FHIT: variants seen among roughly 807,000 people sequenced by gnomAD.
FHIT encodes fragile histidine triad diadenosine triphosphatase, also known as bis(5'-adenosyl)-triphosphatase.
Under a neutral mutation model 17.9 loss-of-function variants are expected in FHIT, and 19 were observed. The observed-to-expected ratio is 1.06, with a 90% confidence interval of 0.74 to 1.56. FHIT has a LOEUF of 1.56. Ranked by LOEUF, FHIT falls within the 40% of genes most tolerant of loss-of-function variation. FHIT has a pLI of 0.00. For missense variants in FHIT, 248 were observed against 189.2 expected, an observed-to-expected ratio of 1.31 and a Z score of -1.82; for synonymous variants, 81 against 69.7, an observed-to-expected ratio of 1.16 and a Z score of -0.81.
At chr3:61,198,736 C>CTTTT (rs1192962186) in intron 2 of FHIT, among the ~76,000 whole-genome samples, 6 of 152,068 alleles carry the variant, frequency 3.9e-5, no homozygotes, top group Non-Finnish European at 8.8e-5. Flanking sequence ...TGAAAGTTAC[C>CTTTT]TTTTCATTTG....
At chr3:61,149,832 ATTG>A (rs1407344657) in intron 2 of FHIT, among the ~76,000 whole-genome samples, 1 of 152,188 alleles carries the variant, frequency 6.6e-6, no homozygotes, top group East Asian at 1.9e-4. Context: ...ATGGGCCATG[ATTG>A]TGCCACTGCA....
chr3:61,123,622 G>T (rs1251226099), intron 2 of FHIT, among the ~76,000 whole-genome samples: 2 of 152,104 alleles, frequency 1.3e-5, no homozygotes, highest in Non-Finnish European at 2.9e-5. Flanking sequence ...GAAATCAAAG[G>T]TAGGCATGCA....
At chr3:60,942,400 T>A (rs2121844) in intron 3 of FHIT, among the ~76,000 whole-genome samples, 56,047 of 152,054 alleles carry the variant, frequency 0.37, 11,087 homozygotes, top group South Asian at 0.45. Flanking sequence ...ACAATGTGTA[T>A]ATCATGGATA....
chr3:60,780,417 G>GT lies in FHIT; in HGVS notation c.-18+41501dup, dbSNP rs1406598666. On this transcript the variant is annotated intron_variant, in intron 4 of 9. Transcript: ENST00000492590. The stretch of plus-strand genomic sequence containing the variant: ...CCCAACGTGCCAGCAAAAGGGTAAA[G>GT]TTTTTTTTGCCAGTCAGGCTTTTGG... 3.3e-5 allele frequency among the ~76,000 whole-genome samples: 5 copies of GT among 151,956 alleles called. No homozygotes were observed. The East Asian group carries it at 5.8e-4, about 18-fold the overall frequency.
chr3:60,564,903 G>A (rs2037078871), intron 4 of FHIT, among the ~76,000 whole-genome samples: 1 of 152,202 alleles, frequency 6.6e-6, no homozygotes, highest in Admixed American at 6.5e-5. Context: ...TTTAAAATAA[G>A]TTCTACTATG....
intron 5 of FHIT, among the ~76,000 whole-genome samples, chr3:60,477,589 T>A (rs1443891905): frequency 6.6e-6 from 1 of 152,342 alleles, no homozygotes; most frequent in African/African-American, 2.4e-5. Context: ...TTCATATTAA[T>A]GTCTGCATTT....
chr3:60,929,702 G>A, intron 3 of FHIT, among the ~76,000 whole-genome samples: 1 of 152,176 alleles, frequency 6.6e-6, no homozygotes, highest in East Asian at 1.9e-4. Flanking sequence ...ACTACTTAAT[G>A]AAATAAAAGA....
At chr3:60,492,703 C>T (rs1242739588) in intron 5 of FHIT, among the ~76,000 whole-genome samples, 2 of 151,942 alleles carry the variant, frequency 1.3e-5, no homozygotes, top group East Asian at 3.9e-4. Flanking sequence ...GACGGGGTTT[C>T]TCCATGTTGG....
chr3:61,052,544 C>G (rs2034066134), intron 2 of FHIT, among the ~76,000 whole-genome samples: 1 of 152,186 alleles, frequency 6.6e-6, no homozygotes, highest in Non-Finnish European at 1.5e-5. Flanking sequence ...CAGATCAATA[C>G]TTTTACAAAG....
intron 2 of FHIT, among the ~76,000 whole-genome samples, chr3:61,110,558 A>G (rs913323048): frequency 4.0e-5 from 6 of 151,556 alleles, no homozygotes; most frequent in Non-Finnish European, 7.4e-5. Context: ...TTTCGTCACT[A>G]TCTGTCTTCC....
At chr3:60,150,052 G>A (rs970164638) in intron 5 of FHIT, among the ~76,000 whole-genome samples, 2 of 131,478 alleles carry the variant, frequency 1.5e-5, no homozygotes, top group Non-Finnish European at 3.1e-5. Context: ...CTGGAGTGCA[G>A]TGGCGCAATC....
chr3:60,564,701 T>C (rs2037070980), intron 4 of FHIT, among the ~76,000 whole-genome samples: 1 of 152,184 alleles, frequency 6.6e-6, no homozygotes. Context: ...TGTATTGCTG[T>C]AATCTCATGA....
intron 4 of FHIT, among the ~76,000 whole-genome samples, chr3:60,579,191 A>T (rs1241610293): frequency 6.6e-6 from 1 of 152,162 alleles, no homozygotes; most frequent in Admixed American, 6.5e-5. Context: ...GTGCACTTAC[A>T]CAAACCTAGA....
At chr3:59,975,475 T>C (rs1017947913) in intron 7 of FHIT, among the ~76,000 whole-genome samples, 5 of 152,118 alleles carry the variant, frequency 3.3e-5, no homozygotes, top group Non-Finnish European at 5.9e-5. Context: ...AAACAACAAA[T>C]GTTAGCCATT....
At chr3:60,754,834 T>G (rs755086198) in intron 4 of FHIT, among the ~76,000 whole-genome samples, 12 of 152,170 alleles carry the variant, frequency 7.9e-5, no homozygotes, top group Non-Finnish European at 1.5e-4. Context: ...CCTGACAGTG[T>G]CCCATTGCTG....
intron 2 of FHIT, among the ~76,000 whole-genome samples, chr3:61,156,915 C>T (rs925550158): frequency 6.6e-6 from 1 of 152,186 alleles, no homozygotes; most frequent in African/African-American, 2.4e-5. Flanking sequence ...CCTGCAAATA[C>T]AGACTCTTGA....
chr3:60,943,104 G>C (rs1411322953), intron 3 of FHIT, among the ~76,000 whole-genome samples: 5 of 152,060 alleles, frequency 3.3e-5, no homozygotes, highest in Non-Finnish European at 7.4e-5. Context: ...TTCTATATAT[G>C]TCTATTTGTC....
chr3:60,818,114 A>G (rs1346763870), intron 4 of FHIT, among the ~76,000 whole-genome samples: 3 of 151,866 alleles, frequency 2.0e-5, no homozygotes, highest in Non-Finnish European at 4.4e-5. Context: ...TTCTTTTTGC[A>G]GTTTCTGTTT....
intron 5 of FHIT, among the ~76,000 whole-genome samples, chr3:60,295,933 C>G (rs1336411213): frequency 1.3e-5 from 2 of 151,986 alleles, no homozygotes; most frequent in Non-Finnish European, 2.9e-5. Flanking sequence ...TGGGAGGGAC[C>G]AGGTGGGAGA....
Sources: allele counts gnomAD v4.1 joint callset (sites outside exome capture counted in the v4.1 genomes callset), GRCh38; gene constraint gnomAD v4.1.1; transcripts MANE v1.5; gene names NCBI Gene and HGNC (gene_info 2026-07-23, HGNC 2026-07-21).